The following IL1RAPL2 variants were observed in gnomAD, a reference collection of about 807,000 sequenced individuals.
IL1RAPL2 encodes the protein interleukin 1 receptor accessory protein like 2.
In IL1RAPL2, 3 loss-of-function variants were observed where a neutral mutation model predicts 44.1. That is an observed-to-expected ratio of 0.07 (90% CI 0.03 to 0.18). The LOEUF (loss-of-function observed/expected upper bound fraction) is 0.18. Among genes scored for constraint, IL1RAPL2 ranks in the 10% least tolerant of loss-of-function variants. The probability of loss-of-function intolerance (pLI) is 1.00; values close to 1 mark genes in which losing one functional copy is unlikely to be tolerated. For synonymous variants in IL1RAPL2, 181 were observed against 178.8 expected, an observed-to-expected ratio of 1.01 and a Z score of -0.10; for missense variants, 391 against 496.4, an observed-to-expected ratio of 0.79 and a Z score of 2.02.
rs1569468522 is a variant in IL1RAPL2, at chrX:105,717,513, G to A, written c.902+17G>A. Reference sequence around the variant, plus strand: ...TGAAATAAGGTAGAGAGCTTGAATTGCTTATCTTTCTTTGCTGTCTTACGG... The same window carrying A: ...TGAAATAAGGTAGAGAGCTTGAATTACTTATCTTTCTTTGCTGTCTTACGG... On this transcript the variant is annotated intron_variant, in intron 7 of 10. Transcript: ENST00000372582. The A allele has an allele frequency of 2.5e-6, 3 of 1,180,082 alleles. No homozygotes were observed. The highest frequency in any genetic ancestry group is 3.4e-6 in the Non-Finnish European group (3 of 876,973).
Position 105,540,994 on chromosome X carries a change from A to T in IL1RAPL2, c.772+56607A>T, listed in dbSNP as rs565814086. On this transcript the variant is annotated intron_variant, in intron 6 of 10. Transcript: ENST00000372582. ...ATGTTAGATTATATATATATATATA[A>T]AATCAGCCCTCTTTTCTTCATATAT... 5.2e-5 allele frequency among the ~76,000 whole-genome samples: 5 copies of T among 96,949 alleles called. No homozygotes were observed. In the East Asian group the frequency reaches 9.3e-4, roughly 18 times the overall value. The allele number at this position is 96,949 out of a possible 115,157, so 84.2% of individuals were successfully genotyped here.
chrX:104,585,387 T>TATATATA (rs1210150043), intron 1 of IL1RAPL2, among the ~76,000 whole-genome samples: 1 of 24,706 alleles, frequency 4.0e-5, no homozygotes, highest in Non-Finnish European at 5.6e-5. Context: ...TAATATATAT[T>TATATATA]ATATATAATA....
chrX:105,356,352 C>G (rs2035203081), intron 5 of IL1RAPL2, among the ~76,000 whole-genome samples: 1 of 111,425 alleles, frequency 9.0e-6, no homozygotes, highest in African/African-American at 3.3e-5. Context: ...TATTGATTCT[C>G]TTTCCAACAT....
At chrX:104,609,203 G>T (rs1456804776) in intron 1 of IL1RAPL2, among the ~76,000 whole-genome samples, 3 of 112,293 alleles carry the variant, frequency 2.7e-5, no homozygotes, top group Admixed American at 9.5e-5. Context: ...GGCTTGCAGG[G>T]TTTCTGCAGA....
At chrX:105,065,125 A>G (rs974903684) in intron 2 of IL1RAPL2, among the ~76,000 whole-genome samples, 1 of 112,437 alleles carries the variant, frequency 8.9e-6, no homozygotes, top group Non-Finnish European at 1.9e-5. Context: ...TGATTGAAAA[A>G]TAAAACTAAA....
chrX:105,256,397 C>G (rs1443819783), intron 4 of IL1RAPL2, among the ~76,000 whole-genome samples: 1 of 107,678 alleles, frequency 9.3e-6, no homozygotes, highest in African/African-American at 3.4e-5. Context: ...GGTGTGATCT[C>G]AGCTCGCTTC....
chrX:105,178,675 A>G (rs1204049763), intron 2 of IL1RAPL2, among the ~76,000 whole-genome samples: 1 of 111,178 alleles, frequency 9.0e-6, no homozygotes, highest in South Asian at 3.8e-4. Flanking sequence ...TTTCTTTTTG[A>G]TGATAGCCGT....
At chrX:105,355,526 G>A (rs970848855) in intron 5 of IL1RAPL2, among the ~76,000 whole-genome samples, 5 of 111,150 alleles carry the variant, frequency 4.5e-5, no homozygotes, top group African/African-American at 1.6e-4. Context: ...ACATTATATT[G>A]CAATTTCTTG....
intron 2 of IL1RAPL2, among the ~76,000 whole-genome samples, chrX:104,778,771 T>C (rs1401511746): frequency 9.1e-6 from 1 of 109,822 alleles, no homozygotes; most frequent in Non-Finnish European, 1.9e-5. Context: ...ACTAAGCAGG[T>C]AGACTGGGGC....
chrX:105,275,815 A>T (rs1341005216), intron 5 of IL1RAPL2, among the ~76,000 whole-genome samples: 2 of 110,938 alleles, frequency 1.8e-5, no homozygotes, highest in African/African-American at 6.6e-5. Context: ...CACAGCTAGG[A>T]CTAGAATCCC....
chrX:105,410,708 C>T (rs1475952150), intron 5 of IL1RAPL2, among the ~76,000 whole-genome samples: 2 of 111,492 alleles, frequency 1.8e-5, no homozygotes, highest in African/African-American at 6.5e-5. Context: ...ATAAAAACCC[C>T]CTGAGAGAAG....
chrX:105,561,958 CTG>C (rs1393033237), intron 6 of IL1RAPL2, among the ~76,000 whole-genome samples: 1 of 111,539 alleles, frequency 9.0e-6, no homozygotes, highest in Non-Finnish European at 1.9e-5. Flanking sequence ...AACAAGCTGA[CTG>C]TGAGGAGTAG....
At chrX:104,597,764 C>T (rs754702705) in intron 1 of IL1RAPL2, among the ~76,000 whole-genome samples, 1 of 107,852 alleles carries the variant, frequency 9.3e-6, no homozygotes, top group African/African-American at 3.4e-5. Flanking sequence ...AGACTTCAGG[C>T]AAATGGAAGC....
At chrX:105,454,036 A>G (rs2036038238) in intron 5 of IL1RAPL2, among the ~76,000 whole-genome samples, 1 of 111,367 alleles carries the variant, frequency 9.0e-6, no homozygotes, top group Non-Finnish European at 1.9e-5. Flanking sequence ...AAATTTTCTG[A>G]AGCACAGAAA....
intron 1 of IL1RAPL2, chrX:104,647,559 T>C: frequency 1.9e-6 from 1 of 515,472 alleles, no homozygotes; most frequent in Non-Finnish European, 3.5e-6. Context: ...CTCACCTGCC[T>C]GGAGAGCAGC....
intron 6 of IL1RAPL2, among the ~76,000 whole-genome samples, chrX:105,541,067 G>T (rs2036730453): frequency 9.6e-6 from 1 of 104,033 alleles, no homozygotes; most frequent in African/African-American, 3.5e-5. Flanking sequence ...CTTGAACTAG[G>T]GCAATAGCTT....
At chrX:105,407,001 T>A in intron 5 of IL1RAPL2, 2 of 1,078,779 alleles carry the variant, frequency 1.9e-6, no homozygotes, top group Non-Finnish European at 2.6e-6. Context: ...GAGCTGTGTT[T>A]GAAGAGATGC....
intron 5 of IL1RAPL2, among the ~76,000 whole-genome samples, chrX:105,277,727 G>A (rs929812117): frequency 9.0e-6 from 1 of 110,708 alleles, no homozygotes; most frequent in African/African-American, 3.3e-5. Flanking sequence ...GGCCTGTGGG[G>A]GGCATTTCCC....
chrX:105,665,676 G>C (rs1963882329), intron 6 of IL1RAPL2, among the ~76,000 whole-genome samples: 1 of 106,361 alleles, frequency 9.4e-6, no homozygotes, highest in Admixed American at 9.9e-5. Flanking sequence ...CTGAGTATGT[G>C]TTTATTGAAC....
Sources: gnomAD v4.1 joint callset for allele counts (sites outside exome capture counted in the v4.1 genomes callset) on GRCh38, gnomAD v4.1.1 for gene constraint, MANE v1.5 for transcripts, NCBI Gene and HGNC (gene_info 2026-07-23, HGNC 2026-07-21) for gene names.